The following FHOD1 variants were observed in gnomAD, a reference collection of about 807,000 sequenced individuals.
The protein encoded by FHOD1 is formin homology 2 domain containing 1, also known as FH1/FH2 domain-containing protein 1.
In FHOD1, 89 loss-of-function variants were observed where a neutral mutation model predicts 111.6. The observed-to-expected ratio is 0.80, with a 90% confidence interval of 0.67 to 0.95. The LOEUF is 0.95. Among genes scored for constraint, FHOD1 ranks in the 40% least tolerant of loss-of-function variants. The probability of loss-of-function intolerance (pLI) is 0.00; values close to 1 mark genes in which losing one functional copy is unlikely to be tolerated. For missense variants in FHOD1, 1,446 were observed against 1,554.2 expected (o/e 0.93, Z 1.17); for synonymous variants, 618 against 639.0 (o/e 0.97, Z 0.50).
At chr16:67,239,263 A>C in intron 2 of FHOD1, 85 bp downstream of exon 2, 1 of 1,067,572 alleles carries the variant, frequency 9.4e-7, no homozygotes, top group Non-Finnish European at 1.5e-6. Flanking sequence ...CAGGCTAGTG[A>C]TCGAGTGTCT....
At position 67,232,197 on chromosome 16, in the gene FHOD1, G is replaced by A; in HGVS notation, c.2047-3C>T. 6.2e-7 allele frequency: 1 copy of A among 1,614,022 alleles called. No individual in the cohort carries two copies. The highest frequency in any genetic ancestry group is 1.7e-5 in the Admixed American group (1 of 60,024). ...GTCCGGCGGCCCTCTCCAGCTTTCT[G>A]CATGGTTGGGGGAAGGGCAGTGTAA... On this transcript the variant is annotated splice_polypyrimidine_tract_variant and splice_region_variant and intron_variant, in intron 13 of 21. Transcript: ENST00000258201.
rs767909484 is a variant in FHOD1, at chr16:67,236,725, C to A, written c.1151G>T (p.Gly384Val). Residue 384 changes from glycine to valine, a missense_variant, in exon 11 of 22, where the codon GGC (glycine) becomes GTC (valine). Coordinates refer to ENST00000258201, the MANE Select transcript of FHOD1 (RefSeq NM_013241.3). ...GGTGGGGCCTACCGGTGAGGCGGGG[C>A]CTGTGGGGCTGAAAGCAGGGGCTGT... Reference protein sequence around the residue: ...PARAPEPGPTGPASPVGPTSS... With the variant: ...PARAPEPGPTVPASPVGPTSS... The A allele has an allele frequency of 6.5e-7, 1 of 1,536,226 alleles. No individual in the cohort carries two copies. The highest frequency in any genetic ancestry group is 2.0e-5 in the Admixed American group (1 of 49,416).
At position 67,237,187 on chromosome 16, in the gene FHOD1, G is replaced by T; in HGVS notation, c.993+52C>A. 1.2e-6 allele frequency: 2 copies of T among 1,604,494 alleles called. No individual in the cohort carries two copies. Among genetic ancestry groups the T allele is most frequent in the Non-Finnish European group, 1.7e-6 (2 of 1,173,390 alleles). On this transcript the variant is annotated intron_variant, in intron 9 of 21. Transcript: ENST00000258201. This position sits in a 1 kb window ranked among gnomAD's most constrained non-coding sequence, Gnocchi z 5.6. ...GGTGGGGTGGGGCGCTGGGGACTGCGCTTCTCTCTTCCCTCTTTCCAATCC... is the reference window on the plus strand; with the variant it reads ...GGTGGGGTGGGGCGCTGGGGACTGCTCTTCTCTCTTCCCTCTTTCCAATCC...
At position 67,236,577 on chromosome 16, in the gene FHOD1, G is replaced by C. The variant is rs1291245181; in HGVS notation, c.1299C>G (p.Ser433=). The C allele has an allele frequency of 6.2e-7, 1 of 1,613,506 alleles. No homozygotes were observed. Among genetic ancestry groups the C allele is most frequent in the Admixed American group, 1.7e-5 (1 of 59,952 alleles). ...TISVAPSADT[S]SERSIYKARF... ...CTTACTTGTAGATGCTCCTCTCGCT[G>C]GAGGTGTCAGCTGAGGGTGCCACAG... is the stretch of plus-strand genomic sequence containing the variant. The change falls in exon 11 of 22, where the codon TCC becomes TCG. Residue 433 remains serine, a synonymous_variant. Transcript: ENST00000258201.
In FHOD1 at chr16:67,229,462, GCA is replaced by G. The variant is rs925434040; in HGVS notation, c.*172_*173del. 1.4e-4 allele frequency: 91 copies of G among 634,942 alleles called. No individual in the cohort carries two copies. The highest frequency in any genetic ancestry group is 2.1e-4 in the South Asian group (11 of 53,380). The allele number at this position is 634,942 out of a possible 1,614,324, so 39.3% of individuals were successfully genotyped here. ...CACACACATGCACATGCATATGCAT[GCA>G]CACACACACATACACACACACTCAC... On this transcript the variant is annotated 3_prime_UTR_variant, in exon 22 of 22. Transcript: ENST00000258201.
Position 67,229,825 on chromosome 16 carries a change from T to A in FHOD1, c.3380A>T (p.Glu1127Val). 1 of 1,614,172 alleles carries A rather than the reference T, an allele frequency of 6.2e-7. No homozygotes were observed. Among genetic ancestry groups the A allele is most frequent in the Non-Finnish European group, 8.5e-7 (1 of 1,180,012 alleles). ...KSSPRALAAR[E>V]RKRSRGNRKS... ...GCGGTTGCCGCGGGAACGCTTGCGTTCCCTAGCAGCTAAGGCACGAGGACT... is the reference window on the plus strand; with the variant it reads ...GCGGTTGCCGCGGGAACGCTTGCGTACCCTAGCAGCTAAGGCACGAGGACT... Residue 1127 changes from glutamate (E) to valine (V), a missense_variant, in exon 21 of 22, where the codon GAA (glutamate) becomes GTA (valine). Glu to Val is a moderately radical substitution (Grantham distance 121). Coordinates refer to ENST00000258201, the MANE Select transcript of FHOD1 (RefSeq NM_013241.3).
chr16:67,232,714 G>A (rs28730536), intron 13 of FHOD1, among the ~76,000 whole-genome samples: 19,109 of 152,046 alleles, frequency 0.13, 2,690 homozygotes, highest in African/African-American at 0.35. Flanking sequence ...AGGCTGGAGT[G>A]CAGTGGTGCC....
At position 67,232,201 on chromosome 16, in the gene FHOD1, G is replaced by A. The variant is rs1476456884; in HGVS notation, c.2047-7C>T. Reference sequence around the variant, plus strand: ...GGCGGCCCTCTCCAGCTTTCTGCATGGTTGGGGGAAGGGCAGTGTAAGACT... The same window carrying A: ...GGCGGCCCTCTCCAGCTTTCTGCATAGTTGGGGGAAGGGCAGTGTAAGACT... On this transcript the variant is annotated splice_polypyrimidine_tract_variant and splice_region_variant and intron_variant, in intron 13 of 21. Transcript: ENST00000258201. 3.1e-6 allele frequency: 5 copies of A among 1,613,898 alleles called. No homozygotes were observed. The African/African-American group carries it at 5.3e-5, about 17-fold the overall frequency.
intron 17 of FHOD1, 27 bp from the exon 18 acceptor site, chr16:67,230,818 T>C (rs1450086682): frequency 1.3e-6 from 2 of 1,560,678 alleles, no homozygotes; most frequent in Non-Finnish European, 1.7e-6. Context: ...GTGCACATAC[T>C]GTCCCCCCAC....
At position 67,238,451 on chromosome 16, in the gene FHOD1, C is replaced by A; in HGVS notation, c.374-4G>T. ...CCACTGGAGCTATACAGCTTTTCTG[C>A]AAAAGGTAGGGTATAAAACCCTTGA... is the stretch of plus-strand genomic sequence containing the variant. On this transcript the variant is annotated splice_polypyrimidine_tract_variant and splice_region_variant and intron_variant, in intron 3 of 21. Transcript: ENST00000258201. This position sits in a 1 kb window ranked among gnomAD's most constrained non-coding sequence, Gnocchi z 4.2. The A allele has an allele frequency of 6.2e-7, 1 of 1,613,108 alleles. No individual in the cohort carries two copies. The highest frequency in any genetic ancestry group is 1.1e-5 in the South Asian group (1 of 90,804).
rs1385359547 is a variant in FHOD1, at chr16:67,229,486, T to A, written c.*150A>T. On this transcript the variant is annotated 3_prime_UTR_variant, in exon 22 of 22. Transcript: ENST00000258201. The stretch of plus-strand genomic sequence containing the variant: ...TGCACACACACACATACACACACAC[T>A]CACATGCATACACACACGGCTAATA... The A allele has an allele frequency of 1.9e-5, 13 of 694,976 alleles. No individual in the cohort carries two copies. The highest frequency in any genetic ancestry group is 7.1e-5 in the Admixed American group (3 of 42,328). The allele number at this position is 694,976 out of a possible 1,614,324, so 43.1% of individuals were successfully genotyped here. A position where few individuals can be genotyped will look rare whatever the true frequency, so the allele number is the denominator to read the frequency against.
rs748501826 is a variant in FHOD1 at position 67,238,355 on chromosome 16, C to T, written c.441+25G>A. ...TAGGGAAGCTTGGGCTACACACTTA[C>T]CCCCAGCCCACTGCGGGGCCTCACC... is the stretch of plus-strand genomic sequence containing the variant. On this transcript the variant is annotated intron_variant, in intron 4 of 21. Transcript: ENST00000258201. The surrounding 1 kb of genome is among the most constrained non-coding windows in gnomAD (Gnocchi z 4.2). The T allele has an allele frequency of 3.1e-6, 5 of 1,613,994 alleles. No individual in the cohort carries two copies. The highest frequency in any genetic ancestry group is 1.7e-5 in the Admixed American group (1 of 60,020).
In FHOD1 at chr16:67,234,061, C is replaced by T. The variant is rs774059853; in HGVS notation, c.1642G>A (p.Asp548Asn). Reference protein sequence around the residue: ...RLSIGDLDFSDLGEDEDQDML... With the variant: ...RLSIGDLDFSNLGEDEDQDML... ...TCCTGGTCTTCATCCTCCCCTAGAT[C>T]TGAAAAGTCCAGGTCCCCAATAGAG... Residue 548 changes from aspartate to asparagine, a missense_variant, in exon 13 of 22, where the codon GAT (aspartate) becomes AAT (asparagine). Asp to Asn is a conservative substitution (Grantham distance 23). Around this residue, in one of 3 missense-constraint regions of FHOD1, gnomAD observed 1,085 missense variants for 1,108.8 expected, o/e 0.98. Coordinates refer to ENST00000258201, the MANE Select transcript of FHOD1 (RefSeq NM_013241.3). 3.7e-6 allele frequency: 6 copies of T among 1,613,246 alleles called. No individual in the cohort carries two copies. Among genetic ancestry groups the T allele is most frequent in the Non-Finnish European group, 4.2e-6 (5 of 1,179,626 alleles).
In FHOD1 at chr16:67,234,105, G is replaced by C. The variant is rs77958237; in HGVS notation, c.1598C>G (p.Pro533Arg). The change falls in exon 13 of 22, where the codon CCT becomes CGT. Residue 533 changes from proline (P) to arginine (R), a missense_variant. Physicochemically the swap from Pro to Arg is moderately radical, Grantham distance 103. Around this residue, in one of 3 missense-constraint regions of FHOD1, gnomAD observed 1,085 missense variants for 1,108.8 expected, o/e 0.98. Transcript: ENST00000258201. ...AATAGAGAGCCTGGGTGCACGGGTA[G>C]GGAGCTCCCAGATGGGCTCAGCCTT... ...SPKAEPIWEL[P>R]TRAPRLSIGD... The C allele has an allele frequency of 6.3e-7, 1 of 1,595,260 alleles. No individual in the cohort carries two copies. Among genetic ancestry groups the C allele is most frequent in the East Asian group, 2.2e-5 (1 of 44,572 alleles).
In FHOD1 at chr16:67,234,406, C is replaced by T; in HGVS notation, c.1386G>A (p.Arg462=). Reference sequence around the variant, plus strand: ...GCATGGCCCCGGCAAGTGTCTCTGCCCGGCCCTGGGCCAGCGCAACCTGCT... The same window carrying T: ...GCATGGCCCCGGCAAGTGTCTCTGCTCGGCCCTGGGCCAGCGCAACCTGCT... ...TEKQVALAQG[R]AETLAGAMPN... Residue 462 remains arginine (R), a synonymous_variant, in exon 12 of 22, where the codon CGG becomes CGA. Transcript: ENST00000258201. 6.2e-7 allele frequency: 1 copy of T among 1,609,982 alleles called. No homozygotes were observed. Among genetic ancestry groups the T allele is most frequent in the Non-Finnish European group, 8.5e-7 (1 of 1,179,494 alleles).
chr16:67,231,574 C>T lies in FHOD1; in HGVS notation c.2386-25G>A. The stretch of plus-strand genomic sequence containing the variant: ...CCTGGTATGGGAGACCAGGGACTCT[C>T]AGACTACATGGTCATGATGCTTACC... On this transcript the variant is annotated intron_variant, in intron 15 of 21. Transcript: ENST00000258201. This position sits in a 1 kb window ranked among gnomAD's most constrained non-coding sequence, Gnocchi z 4.3. 4 of 1,614,186 alleles carry T rather than the reference C, an allele frequency of 2.5e-6. No homozygotes were observed. The South Asian group carries it at 4.4e-5, about 18-fold the overall frequency.
At chr16:67,239,546 G>A in intron 1 of FHOD1, 92 bp from the exon 2 acceptor site, 1 of 885,506 alleles carries the variant, frequency 1.1e-6, no homozygotes, top group Admixed American at 1.9e-5. Context: ...CTTGAAGGGT[G>A]GCAGAGAGAC....
At position 67,238,761 on chromosome 16, in the gene FHOD1, G is replaced by T; in HGVS notation, c.373+142C>A. 1.2e-6 allele frequency: 1 copy of T among 806,952 alleles called. No individual in the cohort carries two copies. Among genetic ancestry groups the T allele is most frequent in the East Asian group, 2.6e-5 (1 of 38,062 alleles). The allele number at this position is 806,952 out of a possible 1,614,324, so 50.0% of individuals were successfully genotyped here. A position where few individuals can be genotyped will look rare whatever the true frequency, so the allele number is the denominator to read the frequency against. On this transcript the variant is annotated intron_variant, in intron 3 of 21. Coordinates refer to ENST00000258201, the MANE Select transcript of FHOD1 (RefSeq NM_013241.3). This position sits in a 1 kb window ranked among gnomAD's most constrained non-coding sequence, Gnocchi z 4.2. Reference sequence around the variant, plus strand: ...CCCCCTCCACTCCCACCATGGCCCTGGAAGAAGAGGTCAGGATAGGGAGAG... The same window carrying T: ...CCCCCTCCACTCCCACCATGGCCCTTGAAGAAGAGGTCAGGATAGGGAGAG...
intron 10 of FHOD1, 70 bp downstream of exon 10, chr16:67,236,896 A>AGGGCCTGTCAGCTCACT: frequency 6.6e-7 from 1 of 1,518,418 alleles, no homozygotes; most frequent in Non-Finnish European, 8.8e-7. Flanking sequence ...GGTTGGGGTC[A>AGGGCCTGTCAGCTCACT]GGGCCTGTCA....
Sources: allele counts gnomAD v4.1 joint callset (sites outside exome capture counted in the v4.1 genomes callset), GRCh38; gene constraint gnomAD v4.1.1; regional missense constraint gnomAD v4.1.1; non-coding constraint Gnocchi (gnomAD v3.1); transcripts MANE v1.5; gene names NCBI Gene and HGNC (gene_info 2026-07-23, HGNC 2026-07-21).